The following VCPIP1 variants were observed in gnomAD, a reference collection of about 807,000 sequenced individuals.
VCPIP1 encodes deubiquitinating protein VCPIP1.
Under a neutral mutation model 85.0 loss-of-function variants are expected in VCPIP1, and 8 were observed. The observed-to-expected ratio is 0.09, with a 90% confidence interval of 0.06 to 0.17. The LOEUF (loss-of-function observed/expected upper bound fraction) is 0.17, where lower values mean the gene tolerates loss of function less well. Among genes scored for constraint, VCPIP1 ranks in the 10% least tolerant of loss-of-function variants. The pLI, the probability that VCPIP1 is intolerant of heterozygous loss-of-function variation, is 1.00. For missense variants in VCPIP1, 1,070 were observed against 1,486.3 expected, an observed-to-expected ratio of 0.72 and a Z score of 4.61; for synonymous variants, 543 against 544.5, an observed-to-expected ratio of 1.00 and a Z score of 0.04.
In VCPIP1 at chr8:66,634,678, A is replaced by T. The variant is rs1351032186; in HGVS notation, c.3492T>A (p.Thr1164=). 2 of 1,614,208 alleles carry T rather than the reference A, an allele frequency of 1.2e-6. No homozygotes were observed. The highest frequency in any genetic ancestry group is 3.3e-5 in the Admixed American group (2 of 60,014). ...QTGLPESFPL[T]GGTENLNTET... Reference sequence around the variant, plus strand: ...CTGTATTCAAATTTTCAGTACCACCAGTTAAAGGAAAAGATTCAGGCAAAC... The same window carrying T: ...CTGTATTCAAATTTTCAGTACCACCTGTTAAAGGAAAAGATTCAGGCAAAC... The change falls in exon 3 of 3, where the codon ACT becomes ACA. Residue 1164 remains threonine (T), a synonymous_variant. Coordinates refer to ENST00000310421, the MANE Select transcript of VCPIP1 (RefSeq NM_025054.5).
In VCPIP1 at chr8:66,634,554, C is replaced by G. The variant is rs756308647; in HGVS notation, c.3616G>C (p.Asp1206His). The change falls in exon 3 of 3, where the codon GAT becomes CAT. Residue 1206 changes from aspartate to histidine, a missense_variant. Transcript: ENST00000310421. ...TTAGTCATCTCAGCATCTTGACTAT[C>G]CATCTCTTCAAGCTCCTCCACGGAA... is the stretch of plus-strand genomic sequence containing the variant. ...GNSVEELEEMDSQDAEMTNTT... is the reference protein window; with the variant it reads ...GNSVEELEEMHSQDAEMTNTT... 1 of 1,613,576 alleles carries G rather than the reference C, an allele frequency of 6.2e-7. No individual in the cohort carries two copies. Among genetic ancestry groups the G allele is most frequent in the South Asian group, 1.1e-5 (1 of 90,962 alleles).
Position 66,634,962 on chromosome 8 carries a change from A to C in VCPIP1, c.3208T>G (p.Ser1070Ala). Residue 1070 changes from serine (S) to alanine (A), a missense_variant, in exon 3 of 3, where the codon TCT (serine) becomes GCT (alanine). Ser to Ala is a moderately conservative substitution (Grantham distance 99). Around this residue, in one of 8 missense-constraint regions of VCPIP1, gnomAD observed 255 missense variants for 289.5 expected, o/e 0.88. Transcript: ENST00000310421. ...TTACTAGAAGAAGCTGTGAATACAG[A>C]AGGCTCTGTTTTAGTGGAACTATTA... is the stretch of plus-strand genomic sequence containing the variant. ...FSNSSTKTEP[S>A]VFTASSSNSE... The C allele has an allele frequency of 1.2e-6, 2 of 1,613,546 alleles. No individual in the cohort carries two copies. Among genetic ancestry groups the C allele is most frequent in the Non-Finnish European group, 1.7e-6 (2 of 1,179,554 alleles).
intron 1 of VCPIP1, among the ~76,000 whole-genome samples, chr8:66,660,788 A>G (rs1811147824): frequency 6.6e-6 from 1 of 152,184 alleles, no homozygotes; most frequent in African/African-American, 2.4e-5. Context: ...TCATGCCTGT[A>G]ATCCCAGCAC....
intron 1 of VCPIP1, among the ~76,000 whole-genome samples, chr8:66,654,683 A>C (rs1811082817): frequency 1.3e-5 from 2 of 152,194 alleles, no homozygotes; most frequent in Admixed American, 6.5e-5. Context: ...ACTTTGCACA[A>C]GTCCTGCACC....
At position 66,664,252 on chromosome 8, in the gene VCPIP1, T is replaced by C. The variant is rs754579965; in HGVS notation, c.2707A>G (p.Met903Val). The change falls in exon 1 of 3, where the codon ATG (methionine) becomes GTG (valine). Residue 903 changes from methionine (M) to valine (V), a missense_variant. Coordinates refer to ENST00000310421, the MANE Select transcript of VCPIP1 (RefSeq NM_025054.5). ...ATCAGAATTAAATTCATCTTACCCA[T>C]TAATGTTGCTAAAAGACACAAGGAG... ...MYSLCLLATL[M>V]GEDVWSYAKG... 4 of 1,563,210 alleles carry C rather than the reference T, an allele frequency of 2.6e-6. 1 individual carries two copies. Among genetic ancestry groups the C allele is most frequent in the South Asian group, 1.2e-5 (1 of 84,604 alleles).
chr8:66,665,944 A>G lies in VCPIP1; in HGVS notation c.1015T>C (p.Leu339=). ...AEKCTGKDGH[L]NKPICIAWSS... ...CATGCAATACAGATTGGTTTGTTCA[A>G]ATGACCATCTTTCCCAGTGCACTTC... Residue 339 remains leucine, a synonymous_variant, in exon 1 of 3, where the codon TTG becomes CTG. Transcript: ENST00000310421. The surrounding 1 kb of genome is among the most constrained non-coding windows in gnomAD (Gnocchi z 4.3). 1 of 1,614,202 alleles carries G rather than the reference A, an allele frequency of 6.2e-7. No individual in the cohort carries two copies. Among genetic ancestry groups the G allele is most frequent in the Non-Finnish European group, 8.5e-7 (1 of 1,180,036 alleles).
In VCPIP1 at chr8:66,667,051, G is replaced by C. The variant is rs1167813579; in HGVS notation, c.-93C>G. The C allele has an allele frequency of 7.0e-6, 10 of 1,422,484 alleles. No individual in the cohort carries two copies. Among genetic ancestry groups the C allele is most frequent in the Non-Finnish European group, 9.2e-6 (10 of 1,091,688 alleles). 88.1% of individuals were successfully genotyped at this position (1,422,484 alleles called of 1,614,324 possible). Reference sequence around the variant, plus strand: ...ACCAACCCGACTCGGTCCAGTCCAGGCCCAGGGCGAAGCACTTTCCTTTCC... The same window carrying C: ...ACCAACCCGACTCGGTCCAGTCCAGCCCCAGGGCGAAGCACTTTCCTTTCC... On this transcript the variant is annotated 5_prime_UTR_variant, in exon 1 of 3. Coordinates refer to ENST00000310421, the MANE Select transcript of VCPIP1 (RefSeq NM_025054.5).
At chr8:66,656,271 C>A (rs1336456435) in intron 1 of VCPIP1, among the ~76,000 whole-genome samples, 1 of 151,754 alleles carries the variant, frequency 6.6e-6, no homozygotes. Context: ...CATGGTTCAC[C>A]GCAGCCTTGA....
intron 1 of VCPIP1, among the ~76,000 whole-genome samples, chr8:66,659,200 T>A (rs1291627572): frequency 9.0e-6 from 1 of 110,698 alleles, no homozygotes; most frequent in African/African-American, 6.5e-5. Flanking sequence ...CTACAAGAAA[T>A]TTTTTTTTTT....
At chr8:66,649,835 G>C (rs981442049) in intron 2 of VCPIP1, among the ~76,000 whole-genome samples, 1 of 152,088 alleles carries the variant, frequency 6.6e-6, no homozygotes, top group Non-Finnish European at 1.5e-5. Flanking sequence ...TCGTATACTT[G>C]TAAGTCTGAA....
At chr8:66,639,819 G>A (rs1291231166) in intron 2 of VCPIP1, among the ~76,000 whole-genome samples, 1 of 152,102 alleles carries the variant, frequency 6.6e-6, no homozygotes, top group African/African-American at 2.4e-5. Flanking sequence ...AATGGCTGGG[G>A]TTGAGAGGGG....
intron 1 of VCPIP1, among the ~76,000 whole-genome samples, chr8:66,655,999 T>C (rs1004035189): frequency 2.6e-5 from 4 of 152,156 alleles, no homozygotes; most frequent in African/African-American, 9.6e-5. Flanking sequence ...AGTGGTACTA[T>C]GAACGCTTTT....
chr8:66,666,697 C>T lies in VCPIP1; in HGVS notation c.262G>A (p.Val88Met), dbSNP rs750780891. 11 of 1,614,100 alleles carry T rather than the reference C, an allele frequency of 6.8e-6. No individual in the cohort carries two copies. In the Admixed American group the frequency reaches 8.3e-5, roughly 12 times the overall value. Reference sequence around the variant, plus strand: ...TGTAGCACTACGTCCGGGTCGGTCACCTCCTCAACCCCCAGCAGCTGTTGC... The same window carrying T: ...TGTAGCACTACGTCCGGGTCGGTCATCTCCTCAACCCCCAGCAGCTGTTGC... Reference protein sequence around the residue: ...EQQQLLGVEEVTDPDVVLHNL... With the variant: ...EQQQLLGVEEMTDPDVVLHNL... Residue 88 changes from valine (V) to methionine (M), a missense_variant, in exon 1 of 3, where the codon GTG (valine) becomes ATG (methionine). Val to Met is a conservative substitution (Grantham distance 21, BLOSUM62 1). Transcript: ENST00000310421. This position sits in a 1 kb window ranked among gnomAD's most constrained non-coding sequence, Gnocchi z 6.3.
rs1810832685 is a variant in VCPIP1 at position 66,631,322 on chromosome 8, GGTTA to G, written c.*3175_*3178del. The G allele has an allele frequency of 1.3e-5, 2 of 152,794 alleles. No homozygotes were observed. Among genetic ancestry groups the G allele is most frequent in the Non-Finnish European group, 2.9e-5 (2 of 67,974 alleles). The allele number at this position is 152,794 out of a possible 1,614,324, so 9.5% of individuals were successfully genotyped here. A position where few individuals can be genotyped will look rare whatever the true frequency, so the allele number is the denominator to read the frequency against. On this transcript the variant is annotated 3_prime_UTR_variant, in exon 3 of 3. Transcript: ENST00000310421. ...GACAGAAGTAAATTTTTTACCTAAA[GGTTA>G]GTTATTAGTGAGGTCTACATATTTA...
intron 2 of VCPIP1, among the ~76,000 whole-genome samples, chr8:66,646,902 GTAA>G (rs1390882601): frequency 6.6e-6 from 1 of 152,068 alleles, no homozygotes; most frequent in Non-Finnish European, 1.5e-5. Flanking sequence ...GTGTGCACCT[GTAA>G]TCCCAGCTAC....
At position 66,666,918 on chromosome 8, in the gene VCPIP1, G is replaced by A; in HGVS notation, c.41C>T (p.Pro14Leu). The A allele has an allele frequency of 6.3e-7, 1 of 1,588,920 alleles. No individual in the cohort carries two copies. The highest frequency in any genetic ancestry group is 8.5e-7 in the Non-Finnish European group (1 of 1,172,452). Reference protein sequence around the residue: ...PPPPPPPLPPPPPPPEAPQTP... With the variant: ...PPPPPPPLPPLPPPPEAPQTP... The stretch of plus-strand genomic sequence containing the variant: ...CTGTGGAGCCTCAGGGGGAGGAGGT[G>A]GCGGCGGCAACGGAGGCGGCGGCGG... The change falls in exon 1 of 3, where the codon CCA becomes CTA. Residue 14 changes from proline (P) to leucine (L), a missense_variant. Physicochemically the swap from Pro to Leu is moderately conservative, Grantham distance 98. This residue lies in a region of VCPIP1 where 164 missense variants were observed against 158.6 expected (regional missense o/e 1.03). Coordinates refer to ENST00000310421, the MANE Select transcript of VCPIP1 (RefSeq NM_025054.5). The surrounding 1 kb of genome is among the most constrained non-coding windows in gnomAD (Gnocchi z 6.3).
Position 66,634,958 on chromosome 8 carries a change from ACAGAAGGCTCTGTTT to A in VCPIP1, c.3197_3211del (p.Lys1066_Val1071delinsIle). On this transcript the variant is annotated inframe_deletion, in exon 3 of 3. Transcript: ENST00000310421. ...ACTATTACTAGAAGAAGCTGTGAAT[ACAGAAGGCTCTGTTT>A]TAGTGGAACTATTACTAAAGTCTGT... 1 of 1,613,562 alleles carries A rather than the reference ACAGAAGGCTCTGTTT, an allele frequency of 6.2e-7. No individual in the cohort carries two copies. Among genetic ancestry groups the A allele is most frequent in the Non-Finnish European group, 8.5e-7 (1 of 1,179,576 alleles).
Position 66,659,086 on chromosome 8 carries a change from A to G in VCPIP1, c.2710+5163T>C, listed in dbSNP as rs115861750. 3.6e-3 allele frequency among the ~76,000 whole-genome samples: 541 copies of G among 152,312 alleles called. 7 individuals are homozygous for G. Among genetic ancestry groups the G allele is most frequent in the African/African-American group, 0.012 (506 of 41,564 alleles). The stretch of plus-strand genomic sequence containing the variant: ...AAAAAACAAACAAAACTAGAAACTT[A>G]ATGAAATATAACACTAAGAAAAAAT... On this transcript the variant is annotated intron_variant, in intron 1 of 2. Transcript: ENST00000310421.
rs570846841 is a variant in VCPIP1, at chr8:66,646,316, G to A, written c.2797+5142C>T. Among the ~76,000 whole-genome samples the A allele has an allele frequency of 2.3e-4, 35 of 152,046 alleles. No individual in the cohort carries two copies. The East Asian group carries it at 5.8e-3, about 25-fold the overall frequency. ...TCAAACTCTTGACCTCAAGTGATCC[G>A]CTTGCCTCGGCCTCCCAAAGTGCTG... is the stretch of plus-strand genomic sequence containing the variant. On this transcript the variant is annotated intron_variant, in intron 2 of 2. Coordinates refer to ENST00000310421, the MANE Select transcript of VCPIP1 (RefSeq NM_025054.5).
Sources: allele counts gnomAD v4.1 joint callset (sites outside exome capture counted in the v4.1 genomes callset), GRCh38; gene constraint gnomAD v4.1.1; regional missense constraint gnomAD v4.1.1; non-coding constraint Gnocchi (gnomAD v3.1); transcripts MANE v1.5; gene names NCBI Gene and HGNC (gene_info 2026-07-23, HGNC 2026-07-21).